Variants in PKIA observed in about 807,000 individuals in gnomAD.
PKIA encodes the protein PKI-alpha.
In PKIA, 4 loss-of-function variants were observed where a neutral mutation model predicts 7.6. The observed-to-expected ratio is 0.52, with a 90% CI of 0.26 to 1.20. The LOEUF (loss-of-function observed/expected upper bound fraction) is 1.20, where lower values mean the gene tolerates loss of function less well. Ranked by LOEUF, PKIA falls within the 50% of genes most tolerant of loss-of-function variation. The probability of loss-of-function intolerance (pLI) is 0.13; values close to 1 mark genes in which losing one functional copy is unlikely to be tolerated. For missense variants in PKIA, 73 were observed against 86.2 expected (o/e 0.85, Z 0.61); for synonymous variants, 21 against 30.7 (o/e 0.68, Z 1.04).
At chr8:78,557,114 A>G (rs1339710839) in intron 1 of PKIA, among the ~76,000 whole-genome samples, 1 of 152,184 alleles carries the variant, frequency 6.6e-6, no homozygotes, top group Non-Finnish European at 1.5e-5. Flanking sequence ...TCACAGTCAG[A>G]TAATTCTTGT....
intron 1 of PKIA, among the ~76,000 whole-genome samples, chr8:78,543,453 T>C (rs1394301590): frequency 6.6e-6 from 1 of 152,226 alleles, no homozygotes; most frequent in Non-Finnish European, 1.5e-5. Flanking sequence ...GCTAGCAATC[T>C]TCTAAAAGGA....
At chr8:78,571,304 T>C (rs1807541332) in intron 1 of PKIA, among the ~76,000 whole-genome samples, 2 of 152,118 alleles carry the variant, frequency 1.3e-5, no homozygotes, top group Admixed American at 1.3e-4. Context: ...AACTAAAGTT[T>C]ATCCATTTGG....
intron 1 of PKIA, among the ~76,000 whole-genome samples, chr8:78,541,632 C>A (rs1162465020): frequency 6.6e-6 from 1 of 152,052 alleles, no homozygotes. Flanking sequence ...TCAATGTTGA[C>A]TTAATGTGCA....
intron 1 of PKIA, among the ~76,000 whole-genome samples, chr8:78,518,173 A>G (rs1315326191): frequency 6.6e-6 from 1 of 152,246 alleles, no homozygotes; most frequent in Admixed American, 6.5e-5. Flanking sequence ...CATCTTCAGT[A>G]TATGAGGCAT....
At chr8:78,569,854 C>G (rs916622751) in intron 1 of PKIA, among the ~76,000 whole-genome samples, 5 of 151,768 alleles carry the variant, frequency 3.3e-5, no homozygotes, top group Non-Finnish European at 5.9e-5. Context: ...ATACAACAAC[C>G]AAAATAAAAA....
intron 2 of PKIA, among the ~76,000 whole-genome samples, chr8:78,579,484 T>A (rs985872212): frequency 1.3e-5 from 2 of 152,032 alleles, no homozygotes; most frequent in Non-Finnish European, 2.9e-5. Flanking sequence ...TTTTCCAGCA[T>A]TAGGACCTTT....
At chr8:78,531,539 T>C (rs1473531191) in intron 1 of PKIA, among the ~76,000 whole-genome samples, 2 of 152,120 alleles carry the variant, frequency 1.3e-5, no homozygotes, top group Non-Finnish European at 2.9e-5. Flanking sequence ...CCAAATGAAT[T>C]TCTCCTAACA....
chr8:78,567,036 G>A (rs907803820), intron 1 of PKIA, among the ~76,000 whole-genome samples: 1 of 152,068 alleles, frequency 6.6e-6, no homozygotes, highest in African/African-American at 2.4e-5. Context: ...ATTGGGGACT[G>A]CAGAAACACA....
At chr8:78,527,898 C>A (rs987367759) in intron 1 of PKIA, among the ~76,000 whole-genome samples, 3 of 151,904 alleles carry the variant, frequency 2.0e-5, no homozygotes, top group Non-Finnish European at 4.4e-5. Context: ...TGTTTCATGC[C>A]ATAATTTTTT....
chr8:78,524,068 T>TATAAA (rs1809485436), intron 1 of PKIA, among the ~76,000 whole-genome samples: 1 of 78,304 alleles, frequency 1.3e-5, no homozygotes, highest in African/African-American at 9.1e-5. Context: ...ACATTTATAT[T>TATAAA]TATATATAAA....
At chr8:78,519,979 C>CT in intron 1 of PKIA, among the ~76,000 whole-genome samples, 1 of 152,260 alleles carries the variant, frequency 6.6e-6, no homozygotes, top group East Asian at 1.9e-4. Flanking sequence ...ATAGCACATT[C>CT]TATTTTGGGT....
intron 1 of PKIA, among the ~76,000 whole-genome samples, chr8:78,561,445 T>C (rs1389074061): frequency 6.6e-6 from 1 of 151,858 alleles, no homozygotes; most frequent in East Asian, 1.9e-4. Flanking sequence ...TGCTCTAGGC[T>C]AGGCCAAGTT....
At position 78,603,478 on chromosome 8, in the gene PKIA, T is replaced by C. The variant is rs1585938770; in HGVS notation, c.*1657T>C. On this transcript the variant is annotated 3_prime_UTR_variant, in exon 4 of 4. Coordinates refer to ENST00000396418, the MANE Select transcript of PKIA (RefSeq NM_006823.4). ...GGAATAAGGGCATGGTTGCATTTAGTACTCAATCAGATATTACTAGAAAAA... is the reference window on the plus strand; with the variant it reads ...GGAATAAGGGCATGGTTGCATTTAGCACTCAATCAGATATTACTAGAAAAA... 1 of 152,048 alleles carries C rather than the reference T, an allele frequency of 6.6e-6. No individual in the cohort carries two copies. Among genetic ancestry groups the C allele is most frequent in the South Asian group, 2.1e-4 (1 of 4,822 alleles). The allele number at this position is 152,048 out of a possible 1,614,324, so 9.4% of individuals were successfully genotyped here.
intron 2 of PKIA, chr8:78,591,368 A>C (rs1808090000): frequency 6.6e-6 from 1 of 152,588 alleles, no homozygotes; most frequent in Non-Finnish European, 1.5e-5. Context: ...TCATTCTCTC[A>C]AATAATTTGT....
intron 2 of PKIA, among the ~76,000 whole-genome samples, chr8:78,591,971 G>A (rs888328021): frequency 2.0e-5 from 3 of 152,062 alleles, no homozygotes; most frequent in Admixed American, 1.3e-4. Context: ...ATTTTGGGGG[G>A]TGAATATCTG....
In PKIA at chr8:78,604,069, A is replaced by T. The variant is rs1808417722; in HGVS notation, c.*2248A>T. 6.6e-6 allele frequency: 1 copy of T among 152,024 alleles called. No homozygotes were observed. The highest frequency in any genetic ancestry group is 2.4e-5 in the African/African-American group (1 of 41,424). The allele number at this position is 152,024 out of a possible 1,614,324, so 9.4% of individuals were successfully genotyped here. A position where few individuals can be genotyped will look rare whatever the true frequency, so the allele number is the denominator to read the frequency against. ...TGTCCACATCCTATACATTTTGCTT[A>T]TTCATGGCATCTTTCAAATTTTATT... On this transcript the variant is annotated 3_prime_UTR_variant, in exon 4 of 4. Coordinates refer to ENST00000396418, the MANE Select transcript of PKIA (RefSeq NM_006823.4).
intron 1 of PKIA, among the ~76,000 whole-genome samples, chr8:78,523,622 A>G (rs1276951850): frequency 6.6e-6 from 1 of 151,816 alleles, no homozygotes; most frequent in Non-Finnish European, 1.5e-5. Flanking sequence ...TTTCATACAC[A>G]GCTTCTCTGA....
chr8:78,536,061 A>G (rs1283882638), intron 1 of PKIA: 3 of 152,070 alleles, frequency 2.0e-5, no homozygotes, highest in African/African-American at 7.2e-5. Context: ...CATCAGTCTA[A>G]GTTTCAAATA....
chr8:78,594,259 C>T (rs142851538), intron 2 of PKIA, among the ~76,000 whole-genome samples: 69 of 151,536 alleles, frequency 4.6e-4, no homozygotes, highest in African/African-American at 1.5e-3. Flanking sequence ...AAAACTGTTA[C>T]GGGTGGAGTA....
Sources: gnomAD v4.1 joint callset for allele counts (sites outside exome capture counted in the v4.1 genomes callset) on GRCh38, gnomAD v4.1.1 for gene constraint, MANE v1.5 for transcripts, NCBI Gene and HGNC (gene_info 2026-07-23, HGNC 2026-07-21) for gene names.